The following VTA1 variants were observed in gnomAD, a reference collection of about 807,000 sequenced individuals.
VTA1 encodes the protein vacuolar protein sorting-associated protein VTA1 homolog.
Under a neutral mutation model 36.9 loss-of-function variants are expected in VTA1, and 24 were observed. The observed-to-expected ratio is 0.65, with a 90% CI of 0.47 to 0.91. The LOEUF (loss-of-function observed/expected upper bound fraction) is 0.91. VTA1 is among the 40% of genes least tolerant of loss of function. VTA1 has a pLI of 0.00. For missense variants in VTA1, 393 were observed against 377.2 expected, an observed-to-expected ratio of 1.04 and a Z score of -0.35; for synonymous variants, 142 against 130.2, an observed-to-expected ratio of 1.09 and a Z score of -0.62.
At chr6:142,205,504 A>G (rs1195773316) in intron 7 of VTA1, among the ~76,000 whole-genome samples, 1 of 152,202 alleles carries the variant, frequency 6.6e-6, no homozygotes, top group East Asian at 1.9e-4. Flanking sequence ...TGCCTAGCAC[A>G]TACCTTTTTT....
intron 1 of VTA1, among the ~76,000 whole-genome samples, chr6:142,150,312 ACTG>A (rs1778544178): frequency 1.3e-5 from 2 of 152,166 alleles, no homozygotes; most frequent in African/African-American, 4.8e-5. Context: ...CGCTCTCCAA[ACTG>A]GAGTAGGCAA....
At chr6:142,167,226 G>T (rs904971550) in intron 2 of VTA1, among the ~76,000 whole-genome samples, 1 of 152,046 alleles carries the variant, frequency 6.6e-6, no homozygotes, top group Non-Finnish European at 1.5e-5. Context: ...GTGCCTATTG[G>T]ATTGGATGTC....
rs1388226787 is a variant in VTA1 at position 142,222,079 on chromosome 6, A to G, written c.*3436A>G. On this transcript the variant is annotated 3_prime_UTR_variant, in exon 8 of 8. Coordinates refer to ENST00000367630, the MANE Select transcript of VTA1 (RefSeq NM_016485.5). Reference sequence around the variant, plus strand: ...GATTGGTTTCTGGCGGCTTTTTTTTAGGTAGAGCCACAGGATTTCTGTAAA... The same window carrying G: ...GATTGGTTTCTGGCGGCTTTTTTTTGGGTAGAGCCACAGGATTTCTGTAAA... 2 of 151,874 alleles carry G rather than the reference A, an allele frequency of 1.3e-5. No homozygotes were observed. The highest frequency in any genetic ancestry group is 2.9e-5 in the Non-Finnish European group (2 of 67,968). 9.4% of individuals were successfully genotyped at this position (151,874 alleles called of 1,614,324 possible). A position where few individuals can be genotyped will look rare whatever the true frequency, so the allele number is the denominator to read the frequency against.
At position 142,147,278 on chromosome 6, in the gene VTA1, C is replaced by G. The variant is rs747144123; in HGVS notation, c.-10C>G. ...GAGCGCGAGTAGGAAGTGGTGAGTT[C>G]GGAGTAGAGATGGCCGCGCTTGCAC... is the stretch of plus-strand genomic sequence containing the variant. On this transcript the variant is annotated 5_prime_UTR_variant, in exon 1 of 8. Transcript: ENST00000367630. 2 of 1,613,880 alleles carry G rather than the reference C, an allele frequency of 1.2e-6. No individual in the cohort carries two copies. Among genetic ancestry groups the G allele is most frequent in the Admixed American group, 1.7e-5 (1 of 60,010 alleles).
chr6:142,199,782 A>C (rs563185205), intron 6 of VTA1, among the ~76,000 whole-genome samples: 131 of 152,266 alleles, frequency 8.6e-4, no homozygotes, highest in African/African-American at 3.1e-3. Context: ...GTCTTCAGTC[A>C]GCATATTTGA....
At chr6:142,207,066 A>G (rs1354276316) in intron 7 of VTA1, among the ~76,000 whole-genome samples, 2 of 152,092 alleles carry the variant, frequency 1.3e-5, no homozygotes, top group East Asian at 1.9e-4. Flanking sequence ...AATATACAGC[A>G]CTGAGATTGA....
At chr6:142,149,993 G>A (rs138546881) in intron 1 of VTA1, among the ~76,000 whole-genome samples, 1 of 151,956 alleles carries the variant, frequency 6.6e-6, no homozygotes, top group Non-Finnish European at 1.5e-5. Context: ...TGCATTCTGT[G>A]TAATTTCTTG....
chr6:142,218,456 T>C, intron 7 of VTA1, 42 bp from the exon 8 acceptor site: 2 of 1,601,556 alleles, frequency 1.2e-6, no homozygotes, highest in South Asian at 1.1e-5. Flanking sequence ...CAGAACACTT[T>C]TTATATTCTT....
chr6:142,172,552 C>T (rs1582884504), intron 4 of VTA1, among the ~76,000 whole-genome samples: 1 of 152,250 alleles, frequency 6.6e-6, no homozygotes, highest in East Asian at 1.9e-4. Context: ...AGTGTGAAAA[C>T]CTGAACTATT....
At chr6:142,217,900 C>T (rs1245476234) in intron 7 of VTA1, among the ~76,000 whole-genome samples, 1 of 151,384 alleles carries the variant, frequency 6.6e-6, no homozygotes, top group Non-Finnish European at 1.5e-5. Flanking sequence ...ACATGTTAAT[C>T]ATATGTATAA....
At chr6:142,150,457 T>C (rs1392589728) in intron 1 of VTA1, among the ~76,000 whole-genome samples, 2 of 152,238 alleles carry the variant, frequency 1.3e-5, no homozygotes, top group Non-Finnish European at 2.9e-5. Flanking sequence ...TCCTACATCC[T>C]GTTCACAATT....
chr6:142,207,480 C>A (rs1775816063), intron 7 of VTA1, among the ~76,000 whole-genome samples: 1 of 152,024 alleles, frequency 6.6e-6, no homozygotes, highest in Non-Finnish European at 1.5e-5. Context: ...GTACATTTCC[C>A]AGGTCCTGTA....
In VTA1 at chr6:142,198,462, G is replaced by T. The variant is rs1562267017; in HGVS notation, c.544G>T (p.Gly182Ter). 1 of 1,613,894 alleles carries T rather than the reference G, an allele frequency of 6.2e-7. No homozygotes were observed. The highest frequency in any genetic ancestry group is 8.5e-7 in the Non-Finnish European group (1 of 1,179,894). The change falls in exon 6 of 8, where the codon GGA becomes TGA. Residue 182 changes from glycine (G) to a stop codon, truncating the protein, a stop_gained. Transcript: ENST00000367630. LOFTEE classifies it high-confidence loss of function. ...AGATATTGAAGAAAATGAAGATGCTGGAGCAGCCTCTCTGCCCACTCAGCC... is the reference window on the plus strand; with the variant it reads ...AGATATTGAAGAAAATGAAGATGCTTGAGCAGCCTCTCTGCCCACTCAGCC... ...DNDIEENEDAGAASLPTQPTQ... is the reference protein window; with the variant it reads ...DNDIEENEDA
intron 7 of VTA1, among the ~76,000 whole-genome samples, chr6:142,211,184 G>A (rs1775896138): frequency 1.3e-5 from 2 of 150,898 alleles, no homozygotes; most frequent in Non-Finnish European, 3.0e-5. Flanking sequence ...GGGAAGGAGT[G>A]GAGGATGAAA....
intron 1 of VTA1, among the ~76,000 whole-genome samples, chr6:142,164,436 A>G (rs1774875285): frequency 6.6e-6 from 1 of 152,050 alleles, no homozygotes; most frequent in Admixed American, 6.6e-5. Context: ...ATATGTGGTT[A>G]TGAATACATT....
intron 4 of VTA1, among the ~76,000 whole-genome samples, chr6:142,182,943 A>G (rs1775269833): frequency 6.6e-6 from 1 of 152,148 alleles, no homozygotes. Flanking sequence ...TACTCCTGAC[A>G]CTGGGACATG....
intron 5 of VTA1, among the ~76,000 whole-genome samples, chr6:142,192,678 AG>A (rs1775476937): frequency 6.8e-6 from 1 of 146,502 alleles, no homozygotes; most frequent in Admixed American, 6.9e-5. Context: ...TAAAAAACAA[AG>A]GACATGAGGT....
intron 1 of VTA1, among the ~76,000 whole-genome samples, chr6:142,156,658 A>G (rs1298198891): frequency 2.0e-5 from 3 of 152,222 alleles, no homozygotes; most frequent in Non-Finnish European, 4.4e-5. Context: ...TGTAAAGTTA[A>G]TAAACTTCCA....
At chr6:142,156,123 G>A (rs560429986) in intron 1 of VTA1, among the ~76,000 whole-genome samples, 2 of 152,262 alleles carry the variant, frequency 1.3e-5, no homozygotes, top group East Asian at 3.9e-4. Context: ...TAGCTGATTG[G>A]CATTTTAACA....
Sources: allele counts gnomAD v4.1 joint callset (sites outside exome capture counted in the v4.1 genomes callset), GRCh38; gene constraint gnomAD v4.1.1; transcripts MANE v1.5; gene names NCBI Gene and HGNC (gene_info 2026-07-23, HGNC 2026-07-21).